PDE1C: variants seen among roughly 807,000 people sequenced by gnomAD.
The protein encoded by PDE1C is phosphodiesterase 1C.
Under a neutral mutation model 93.1 loss-of-function variants are expected in PDE1C, and 62 were observed. The ratio of observed to expected loss-of-function variants is 0.67; its 90% CI spans 0.54 to 0.82. The LOEUF (loss-of-function observed/expected upper bound fraction) is 0.82. Among genes scored for constraint, PDE1C ranks in the 40% least tolerant of loss-of-function variants. The pLI is 0.00. For missense variants in PDE1C, 742 were observed against 884.6 expected, an observed-to-expected ratio of 0.84 and a Z score of 2.04; for synonymous variants, 325 against 310.1, an observed-to-expected ratio of 1.05 and a Z score of -0.50.
At chr7:31,880,077 G>A (rs1002075666) in intron 3 of PDE1C, among the ~76,000 whole-genome samples, 6 of 151,906 alleles carry the variant, frequency 3.9e-5, no homozygotes, top group Admixed American at 2.0e-4. Flanking sequence ...AATACTTTCA[G>A]ATTGGAATTT....
chr7:32,049,133 CTCTAA>C (rs1347504240), intron 2 of PDE1C, among the ~76,000 whole-genome samples: 12 of 152,132 alleles, frequency 7.9e-5, no homozygotes, highest in African/African-American at 2.2e-4. Flanking sequence ...CTACTGTGCC[CTCTAA>C]TCTGAGTGAT....
At chr7:31,733,458 A>G in the PDE1C span, among the ~76,000 whole-genome samples, 1 of 152,182 alleles carries the variant, frequency 6.6e-6, no homozygotes, top group South Asian at 2.1e-4. Flanking sequence ...AACAGCCACT[A>G]TGGCTCCCAT....
intron 2 of PDE1C, among the ~76,000 whole-genome samples, chr7:32,191,962 C>T (rs1804267287): frequency 6.6e-6 from 1 of 152,078 alleles, no homozygotes; most frequent in Non-Finnish European, 1.5e-5. Context: ...ATTTAATTTG[C>T]ATTTTCCCTT....
At chr7:32,333,284 A>T (rs1445792864) in intron 1 of PDE1C, among the ~76,000 whole-genome samples, 4 of 152,108 alleles carry the variant, frequency 2.6e-5, no homozygotes, top group Non-Finnish European at 5.9e-5. Context: ...TTATCACAGA[A>T]TTTTTCTCCC....
At position 31,816,083 on chromosome 7, in the gene PDE1C, C is replaced by T. The variant is rs763240629; in HGVS notation, c.1654G>A (p.Ala552Thr). Residue 552 changes from alanine to threonine, a missense_variant, in exon 15 of 18, where the codon GCC becomes ACC. Ala to Thr is a moderately conservative substitution (Grantham distance 58). Coordinates refer to ENST00000396191, the MANE Select transcript of PDE1C (RefSeq NM_001191057.4). ...AAEEQQKEME[A>T]KSQAEEGASG... The stretch of plus-strand genomic sequence containing the variant: ...GCGCCTTCTTCAGCCTGGCTTTTGG[C>T]TTCCATTTCCTTTTGCTGCTCCTCT... 5.6e-6 allele frequency: 9 copies of T among 1,613,878 alleles called. No individual in the cohort carries two copies. The Admixed American group carries it at 1.5e-4, about 27-fold the overall frequency.
intron 1 of PDE1C, among the ~76,000 whole-genome samples, chr7:32,305,989 T>C (rs1812990207): frequency 6.6e-6 from 1 of 152,192 alleles, no homozygotes; most frequent in Non-Finnish European, 1.5e-5. Context: ...TGGTGGGAGA[T>C]AATTGAATCA....
chr7:31,857,198 T>G (rs1583632025), intron 7 of PDE1C, among the ~76,000 whole-genome samples: 1 of 152,314 alleles, frequency 6.6e-6, no homozygotes, highest in Non-Finnish European at 1.5e-5. Context: ...TGTAATAGAA[T>G]AATTTTAATT....
chr7:31,668,870 G>A, the PDE1C span, among the ~76,000 whole-genome samples: 1 of 152,078 alleles, frequency 6.6e-6, no homozygotes, highest in African/African-American at 2.4e-5. Context: ...AGATCAACAT[G>A]CAAATACCTG....
At chr7:32,220,280 C>T (rs1246708557) in intron 1 of PDE1C, among the ~76,000 whole-genome samples, 2 of 152,172 alleles carry the variant, frequency 1.3e-5, no homozygotes. Flanking sequence ...TTATTAAGCC[C>T]CTTCCTCATG....
intron 1 of PDE1C, among the ~76,000 whole-genome samples, chr7:32,268,336 C>A (rs1009984792): frequency 2.0e-5 from 3 of 152,156 alleles, no homozygotes; most frequent in African/African-American, 7.2e-5. Flanking sequence ...GACCCCTTGG[C>A]TGTGAGCAAA....
rs533031248 is a variant in PDE1C, at chr7:32,208,693, T to C, written c.136+796A>G. The stretch of plus-strand genomic sequence containing the variant: ...TTTGGGGAGCGTCTCCACTCCACCC[T>C]CATCCGTCTCTAGTATTTTCCCCCC... On this transcript the variant is annotated intron_variant, in intron 2 of 18. Transcript: ENST00000396193. Among the ~76,000 whole-genome samples, 21 of 152,218 alleles carry C rather than the reference T, an allele frequency of 1.4e-4. No individual in the cohort carries two copies. The South Asian group carries it at 4.4e-3, about 32-fold the overall frequency.
intron 2 of PDE1C, among the ~76,000 whole-genome samples, chr7:31,893,100 T>C (rs1171849256): frequency 6.6e-6 from 1 of 151,856 alleles, no homozygotes; most frequent in Non-Finnish European, 1.5e-5. Flanking sequence ...CATAAAAAAA[T>C]GAAAGGAATG....
At chr7:32,123,138 T>C (rs1799390036) in intron 3 of PDE1C, among the ~76,000 whole-genome samples, 1 of 152,026 alleles carries the variant, frequency 6.6e-6, no homozygotes, top group South Asian at 2.1e-4. Flanking sequence ...CCTGGACACA[T>C]ACACCCTCCC....
the PDE1C span, among the ~76,000 whole-genome samples, chr7:31,697,667 C>T: frequency 1.1e-4 from 17 of 152,122 alleles, no homozygotes; most frequent in Non-Finnish European, 2.1e-4. Flanking sequence ...GGGAATAAGA[C>T]ACGTATATTC....
Position 31,837,301 on chromosome 7 carries a change from C to T in PDE1C, c.1083-1G>A. 6.2e-7 allele frequency: 1 copy of T among 1,604,786 alleles called. No individual in the cohort carries two copies. On this transcript the variant is annotated splice_acceptor_variant, in intron 10 of 17. Transcript: ENST00000396191. LOFTEE classifies it high-confidence loss of function. The stretch of plus-strand genomic sequence containing the variant: ...GGATAAGGCTTTTGGCTTTTCAATG[C>T]TGTAAACCAAAAGCACCCAAACACA...
the PDE1C span, among the ~76,000 whole-genome samples, chr7:31,677,899 GA>G: frequency 1.3e-5 from 2 of 151,924 alleles, no homozygotes; most frequent in Non-Finnish European, 2.9e-5. Context: ...AGAATCAATG[GA>G]AAAAATGCTA....
intron 2 of PDE1C, among the ~76,000 whole-genome samples, chr7:31,969,886 G>T (rs1224496601): frequency 1.3e-5 from 2 of 151,964 alleles, no homozygotes; most frequent in East Asian, 3.9e-4. Flanking sequence ...GCAAACTATC[G>T]CAAGGACAAA....
intron 3 of PDE1C, among the ~76,000 whole-genome samples, chr7:32,147,308 G>GAAAGAAAGAAAGAAAGAAA (rs1563352900): frequency 2.1e-4 from 31 of 146,274 alleles, no homozygotes; most frequent in African/African-American, 6.0e-4. Context: ...AAGAAAGAAA[G>GAAAGAAAGAAAGAAAGAAA]AAAGAAAGAA....
chr7:32,404,944 G>A (rs879511789), intron 1 of PDE1C, among the ~76,000 whole-genome samples: 6 of 152,170 alleles, frequency 3.9e-5, no homozygotes, highest in Non-Finnish European at 7.3e-5. Context: ...AAATATCTCA[G>A]CTGAGGGTGG....
Sources: gnomAD v4.1 joint callset for allele counts (sites outside exome capture counted in the v4.1 genomes callset) on GRCh38, gnomAD v4.1.1 for gene constraint, MANE v1.5 for transcripts, NCBI Gene and HGNC (gene_info 2026-07-23, HGNC 2026-07-21) for gene names.